The following HDAC9 variants were observed in gnomAD, a reference collection of about 807,000 sequenced individuals.
HDAC9 encodes the protein MEF-2 interacting transcription repressor (MITR) protein.
Under a neutral mutation model 139.4 loss-of-function variants are expected in HDAC9, and 41 were observed. That is an observed-to-expected ratio of 0.29 (90% CI 0.23 to 0.38). The LOEUF is 0.38. Ranked by LOEUF, HDAC9 falls within the 10% of genes least tolerant of loss-of-function variation. The probability of loss-of-function intolerance (pLI) is 1.00; values close to 1 mark genes in which losing one functional copy is unlikely to be tolerated. For missense variants in HDAC9, 1,147 were observed against 1,297.0 expected (o/e 0.88, Z 1.78); for synonymous variants, 517 against 476.2 (o/e 1.09, Z -1.12).
intron 12 of HDAC9, among the ~76,000 whole-genome samples, chr7:18,673,954 G>A (rs141908367): frequency 6.6e-6 from 1 of 151,972 alleles, no homozygotes; most frequent in African/African-American, 2.4e-5. Context: ...TTCACTTACC[G>A]CTCCATTCTC....
At chr7:18,188,269 A>G (rs1790068471) in intron 2 of HDAC9, among the ~76,000 whole-genome samples, 1 of 152,186 alleles carries the variant, frequency 6.6e-6, no homozygotes, top group African/African-American at 2.4e-5. Context: ...TGTTAAATAA[A>G]TGGCGTTGGG....
At chr7:18,232,804 A>G (rs1297383119) in intron 2 of HDAC9, among the ~76,000 whole-genome samples, 1 of 152,170 alleles carries the variant, frequency 6.6e-6, no homozygotes. Flanking sequence ...TTCTTAATTC[A>G]TGTTTACTGC....
At chr7:18,192,908 C>T (rs764552069) in intron 2 of HDAC9, among the ~76,000 whole-genome samples, 1 of 152,088 alleles carries the variant, frequency 6.6e-6, no homozygotes, top group Non-Finnish European at 1.5e-5. Flanking sequence ...AGCTTAAAAG[C>T]CACTGATTGA....
At chr7:18,257,643 A>T (rs761973110) in intron 2 of HDAC9, among the ~76,000 whole-genome samples, 1 of 152,162 alleles carries the variant, frequency 6.6e-6, no homozygotes, top group African/African-American at 2.4e-5. Flanking sequence ...ACTCAGAAAG[A>T]GCACAACCCT....
intron 2 of HDAC9, among the ~76,000 whole-genome samples, chr7:18,165,387 T>A (rs1309379723): frequency 6.6e-6 from 1 of 152,192 alleles, no homozygotes; most frequent in Non-Finnish European, 1.5e-5. Context: ...ATTTGGAGAC[T>A]ATAAACACAA....
intron 22 of HDAC9, among the ~76,000 whole-genome samples, chr7:18,922,658 T>C (rs1308526975): frequency 2.0e-5 from 3 of 152,088 alleles, no homozygotes; most frequent in Non-Finnish European, 4.4e-5. Context: ...CTGACACTTA[T>C]ATTTGACCCT....
At chr7:18,399,999 T>TA (rs1429268591) in intron 1 of HDAC9, among the ~76,000 whole-genome samples, 1 of 152,210 alleles carries the variant, frequency 6.6e-6, no homozygotes, top group Non-Finnish European at 1.5e-5. Context: ...AGGGCCTTCT[T>TA]ACACTGGCCT....
At chr7:18,423,831 G>A (rs1429530406) in intron 1 of HDAC9, among the ~76,000 whole-genome samples, 6 of 152,128 alleles carry the variant, frequency 3.9e-5, no homozygotes, top group African/African-American at 1.4e-4. Context: ...TGCATTATAT[G>A]GGCCAAAGCA....
intron 2 of HDAC9, among the ~76,000 whole-genome samples, chr7:18,194,873 A>G (rs1258112528): frequency 6.6e-6 from 1 of 152,076 alleles, no homozygotes; most frequent in Admixed American, 6.6e-5. Context: ...TTCTATTTGA[A>G]TAGACAATTC....
intron 22 of HDAC9, among the ~76,000 whole-genome samples, chr7:18,876,841 T>A (rs1392885128): frequency 2.0e-5 from 3 of 152,012 alleles, no homozygotes; most frequent in Non-Finnish European, 4.4e-5. Flanking sequence ...TAGCTGGGAT[T>A]ACAGGCATGT....
chr7:18,634,791 G>C (rs372389823), intron 8 of HDAC9, 49 bp downstream of exon 8: 21 of 1,138,534 alleles, frequency 1.8e-5, no homozygotes, highest in Admixed American at 1.0e-4. Flanking sequence ...TTTCTGATTA[G>C]CTACCTAATA....
At chr7:18,543,899 A>C (rs1371892743) in intron 2 of HDAC9, among the ~76,000 whole-genome samples, 1 of 151,976 alleles carries the variant, frequency 6.6e-6, no homozygotes, top group Non-Finnish European at 1.5e-5. Flanking sequence ...AAAAAAAAAA[A>C]AAAGAAAAGT....
At chr7:18,177,724 C>T (rs986090962) in intron 2 of HDAC9, among the ~76,000 whole-genome samples, 2 of 152,164 alleles carry the variant, frequency 1.3e-5, no homozygotes, top group Non-Finnish European at 2.9e-5. Context: ...CAAGGGACAT[C>T]TAAGTACATT....
intron 6 of HDAC9, among the ~76,000 whole-genome samples, chr7:18,608,705 C>T (rs1226904870): frequency 6.6e-6 from 1 of 152,130 alleles, no homozygotes; most frequent in Non-Finnish European, 1.5e-5. Flanking sequence ...ATGCTTGTAA[C>T]ATCTTCCTCC....
intron 14 of HDAC9, among the ~76,000 whole-genome samples, chr7:18,761,517 G>T (rs991602044): frequency 1.3e-5 from 2 of 152,154 alleles, no homozygotes; most frequent in Non-Finnish European, 2.9e-5. Context: ...AGATTCAAAA[G>T]ACATAAAAAT....
At chr7:18,978,345 G>A (rs1784682658) in intron 25 of HDAC9, among the ~76,000 whole-genome samples, 1 of 152,126 alleles carries the variant, frequency 6.6e-6, no homozygotes, top group Non-Finnish European at 1.5e-5. Flanking sequence ...GGGATAAAAT[G>A]CTCCTGGCTA....
intron 16 of HDAC9, among the ~76,000 whole-genome samples, chr7:18,767,617 T>C (rs140371681): frequency 2.1e-4 from 32 of 152,338 alleles, no homozygotes; most frequent in African/African-American, 7.5e-4. Context: ...ACATTTTGTT[T>C]GTGAACCCCT....
rs17138998 is a variant in HDAC9 at position 18,311,707 on chromosome 7, G to T, written c.-42+21192G>T. ...TCATATTCTACTACTGTCAAGGAGG[G>T]ATGAACCAAATGGGGAATGTTTTTC... On this transcript the variant is annotated intron_variant, in intron 1 of 3. Coordinates refer to the HDAC9 transcript ENST00000413509. Among the ~76,000 whole-genome samples, 605 of 152,216 alleles carry T rather than the reference G, an allele frequency of 4.0e-3. 24 individuals are homozygous for T. The East Asian group carries it at 0.087, about 22-fold the overall frequency.
At chr7:18,349,129 T>C (rs989444505) in intron 1 of HDAC9, among the ~76,000 whole-genome samples, 1 of 152,068 alleles carries the variant, frequency 6.6e-6, no homozygotes, top group Non-Finnish European at 1.5e-5. Flanking sequence ...AGAGTAAAAT[T>C]CAGCTTCTTT....
Sources: allele counts gnomAD v4.1 joint callset (sites outside exome capture counted in the v4.1 genomes callset), GRCh38; gene constraint gnomAD v4.1.1; transcripts MANE v1.5; gene names NCBI Gene and HGNC (gene_info 2026-07-23, HGNC 2026-07-21).